FKBP11: variants seen among roughly 807,000 people sequenced by gnomAD.
FKBP11 encodes the protein FKBP prolyl isomerase 11, also known as peptidyl-prolyl cis-trans isomerase FKBP11.
FKBP11 carries 21 observed loss-of-function variants against 24.7 expected under a neutral mutation model. The observed-to-expected ratio is 0.85, with a 90% CI of 0.60 to 1.23. The LOEUF (loss-of-function observed/expected upper bound fraction) is 1.23, where lower values mean the gene tolerates loss of function less well. Ranked by LOEUF, FKBP11 falls within the 50% of genes most tolerant of loss-of-function variation. The pLI is 0.00. For synonymous variants in FKBP11, 106 were observed against 100.6 expected, an observed-to-expected ratio of 1.05 and a Z score of -0.32; for missense variants, 245 against 248.7, an observed-to-expected ratio of 0.99 and a Z score of 0.10.
chr12:48,927,701 C>T (rs1260868525), upstream of FKBP11, among the ~76,000 whole-genome samples: 1 of 152,150 alleles, frequency 6.6e-6, no homozygotes, highest in Admixed American at 6.6e-5. Context: ...TCCCCCTAAT[C>T]ATCTTTCCTT....
At chr12:48,924,304 A>T (rs753398083) in intron 3 of FKBP11, 48 bp from the exon 4 acceptor site, 1 of 1,611,468 alleles carries the variant, frequency 6.2e-7, no homozygotes, top group East Asian at 2.2e-5. Flanking sequence ...ACCTTCCCCA[A>T]ATCCCATGAC....
At chr12:48,924,064 A>G (rs1309349999) in intron 4 of FKBP11, 159 bp downstream of exon 4, 2 of 921,160 alleles carry the variant, frequency 2.2e-6, no homozygotes, top group African/African-American at 3.3e-5. Flanking sequence ...AGAGGCACAG[A>G]GGCTTTGAAT....
the FKBP11 span, among the ~76,000 whole-genome samples, chr12:48,932,749 C>T: frequency 6.6e-6 from 1 of 152,034 alleles, no homozygotes; most frequent in Non-Finnish European, 1.5e-5. Flanking sequence ...GGACCCTGAA[C>T]GATATATGGG....
chr12:48,926,231 T>G (rs904308694), upstream of FKBP11: 6 of 137,096 alleles, frequency 4.4e-5, no homozygotes, highest in African/African-American at 1.6e-4. Flanking sequence ...TCACTTTTTT[T>G]TTTTTTTTTT....
At chr12:48,938,801 G>T in the FKBP11 span, 1 of 1,007,196 alleles carries the variant, frequency 9.9e-7, no homozygotes, top group Non-Finnish European at 1.4e-6. Context: ...AGGGGAGGCA[G>T]GGGAGGCAAG....
the FKBP11 span, among the ~76,000 whole-genome samples, chr12:48,932,259 ATATTTTTTTTTTTTT>A: frequency 1.6e-3 from 46 of 28,766 alleles, no homozygotes; most frequent in East Asian, 3.7e-3. Flanking sequence ...ATATATATAT[ATATTTTTTTTTTTTT>A]TTTTTTTTTT....
chr12:48,936,728 G>A, the FKBP11 span: 1 of 152,318 alleles, frequency 6.6e-6, no homozygotes. Flanking sequence ...GAAAGTCAGG[G>A]AATGAGGCAG....
chr12:48,924,734 C>T (rs1939917674), intron 2 of FKBP11, 86 bp from the exon 3 acceptor site: 5 of 1,568,920 alleles, frequency 3.2e-6, no homozygotes, highest in Non-Finnish European at 2.6e-6. Flanking sequence ...CGCTGGGCGG[C>T]GGCAGCCCCC....
rs1939898699 is a variant in FKBP11, at chr12:48,924,103, T to C, written c.317+120A>G. The stretch of plus-strand genomic sequence containing the variant: ...CTCAGAGGTCCCACTGACCTGGACC[T>C]GTCCAGTGGGAAGCAGGGTCCTTTA... On this transcript the variant is annotated intron_variant, in intron 4 of 5. Coordinates refer to ENST00000550765, the MANE Select transcript of FKBP11 (RefSeq NM_016594.3). 1.7e-5 allele frequency: 21 copies of C among 1,203,774 alleles called. No individual in the cohort carries two copies. In the South Asian group the frequency reaches 2.5e-4, roughly 14 times the overall value. 74.6% of individuals were successfully genotyped at this position (1,203,774 alleles called of 1,614,324 possible).
rs369046418 is a variant in FKBP11, at chr12:48,923,841, C to T, written c.329G>A (p.Arg110Lys). ...GGCCAAGTGAGAAGGAATGATTGCC[C>T]TTCGCTTCTCTCTGAGGGAAGGAAT... ...LLDMCVGEKR[R>K]AIIPSHLAYG... is the part of the protein sequence containing the mutation. Residue 110 changes from arginine (R) to lysine (K), a missense_variant, in exon 5 of 6, where the codon AGG becomes AAG. Arg to Lys is a conservative substitution (Grantham distance 26). Transcript: ENST00000550765. The T allele has an allele frequency of 4.6e-5, 75 of 1,614,108 alleles. No individual in the cohort carries two copies. Among genetic ancestry groups the T allele is most frequent in the Non-Finnish European group, 6.3e-5 (74 of 1,180,004 alleles).
At chr12:48,925,505 G>A, upstream of FKBP11, 3 of 1,495,596 alleles carry the variant, frequency 2.0e-6, no homozygotes, top group East Asian at 2.5e-5. Context: ...CGTTCCCGCG[G>A]CGCCCAGGCC....
At chr12:48,938,071 T>C in the FKBP11 span, 2 of 217,252 alleles carry the variant, frequency 9.2e-6, no homozygotes, top group African/African-American at 2.3e-5. Context: ...AAGGATCAGT[T>C]GAACACTCTA....
chr12:48,938,492 G>A, the FKBP11 span: 7 of 444,340 alleles, frequency 1.6e-5, no homozygotes, highest in South Asian at 3.1e-5. Flanking sequence ...ACACATGCAC[G>A]CAAACACAGA....
chr12:48,922,736 G>A, intron 5 of FKBP11: 1 of 997,008 alleles, frequency 1.0e-6, no homozygotes, highest in South Asian at 4.3e-5. Context: ...TGAGTGGGCA[G>A]AAGAGGTACA....
Position 48,924,352 on chromosome 12 carries a change from C to A in FKBP11, c.284-96G>T, listed in dbSNP as rs984618671. 5 of 1,487,330 alleles carry A rather than the reference C, an allele frequency of 3.4e-6. No homozygotes were observed. In the South Asian group the frequency reaches 5.8e-5, roughly 17 times the overall value. The allele number at this position is 1,487,330 out of a possible 1,614,324, so 92.1% of individuals were successfully genotyped here. A position where few individuals can be genotyped will look rare whatever the true frequency, so the allele number is the denominator to read the frequency against. On this transcript the variant is annotated intron_variant, in intron 3 of 5. Transcript: ENST00000550765. ...GTCTTCCTCCTCCATCCTCAATTGA[C>A]CTTTCCCTCACTTCTTAAATCTCTG...
At chr12:48,924,441 T>A (rs1939906115) in intron 3 of FKBP11, 120 bp downstream of exon 3, 1 of 1,153,594 alleles carries the variant, frequency 8.7e-7, no homozygotes, top group Admixed American at 1.9e-5. Flanking sequence ...AGGAGGTAAC[T>A]CGTAGAGCCC....
chr12:48,923,541 T>C, intron 5 of FKBP11: 1 of 1,551,530 alleles, frequency 6.4e-7, no homozygotes, highest in Non-Finnish European at 8.7e-7. Context: ...GCAGGTCTCT[T>C]CCCTAACAAG....
chr12:48,932,168 A>AATATATAT, the FKBP11 span, among the ~76,000 whole-genome samples: 43 of 124,010 alleles, frequency 3.5e-4, no homozygotes, highest in East Asian at 1.2e-3. Context: ...TAAAAGTAAA[A>AATATATAT]ATATATATAT....
At chr12:48,936,997 C>A in the FKBP11 span, 1 of 152,102 alleles carries the variant, frequency 6.6e-6, no homozygotes, top group East Asian at 1.9e-4. Context: ...CAACACCCCC[C>A]CCACAACCAC....
Sources: allele counts gnomAD v4.1 joint callset (sites outside exome capture counted in the v4.1 genomes callset), GRCh38; gene constraint gnomAD v4.1.1; transcripts MANE v1.5; gene names NCBI Gene and HGNC (gene_info 2026-07-23, HGNC 2026-07-21).